Variants in ALPK2 observed in about 807,000 individuals in gnomAD.
The protein encoded by ALPK2 is alpha-protein kinase 2.
In ALPK2, 127 loss-of-function variants were observed where a neutral mutation model predicts 163.1. The observed-to-expected ratio is 0.78, with a 90% CI of 0.67 to 0.90. ALPK2 has a LOEUF of 0.90. ALPK2 is among the 40% of genes least tolerant of loss of function. The pLI, the probability that ALPK2 is intolerant of heterozygous loss-of-function variation, is 0.00. For missense variants in ALPK2, 2,360 were observed against 2,589.6 expected (o/e 0.91, Z 1.92); for synonymous variants, 953 against 959.1 (o/e 0.99, Z 0.12).
chr18:58,624,317 A>C (rs1242274685), intron 1 of ALPK2, among the ~76,000 whole-genome samples: 3 of 152,204 alleles, frequency 2.0e-5, no homozygotes, highest in South Asian at 2.1e-4. Flanking sequence ...GGCCTGATAA[A>C]ACCAAAACAG....
chr18:58,601,741 G>C (rs2052071012), intron 3 of ALPK2, among the ~76,000 whole-genome samples: 1 of 152,186 alleles, frequency 6.6e-6, no homozygotes, highest in Non-Finnish European at 1.5e-5. Context: ...AAATGGACTT[G>C]AGTGGCATGA....
intron 1 of ALPK2, among the ~76,000 whole-genome samples, chr18:58,626,102 T>C (rs941022889): frequency 5.3e-5 from 8 of 152,220 alleles, no homozygotes; most frequent in African/African-American, 1.9e-4. Flanking sequence ...CTGGGTTCCT[T>C]GTGAACCTGT....
intron 4 of ALPK2, among the ~76,000 whole-genome samples, chr18:58,556,169 T>TCACACACACACACACACACACACA (rs33920285): frequency 1.3e-5 from 2 of 149,000 alleles, no homozygotes; most frequent in African/African-American, 5.1e-5. Context: ...GGACTAGATC[T>TCACACACACACACACACACACACA]CACACACACA....
chr18:58,573,356 ATGTGTG>A (rs201921906), intron 4 of ALPK2, among the ~76,000 whole-genome samples: 140 of 139,148 alleles, frequency 1.0e-3, no homozygotes, highest in Non-Finnish European at 1.5e-3. Context: ...GTATATATAT[ATGTGTG>A]TGTATATATA....
At chr18:58,540,161 C>A (rs77879756) in intron 4 of ALPK2, among the ~76,000 whole-genome samples, 32,780 of 152,056 alleles carry the variant, frequency 0.22, 3,893 homozygotes, top group Non-Finnish European at 0.26. Context: ...GATTAGCATG[C>A]GGTAGATGCT....
In ALPK2 at chr18:58,514,978, G is replaced by A. The variant is rs776123685; in HGVS notation, c.6029+15C>T. 7 of 1,604,456 alleles carry A rather than the reference G, an allele frequency of 4.4e-6. No homozygotes were observed. The Middle Eastern group carries it at 5.0e-4, about 114-fold the overall frequency. On this transcript the variant is annotated intron_variant, in intron 10 of 12. Transcript: ENST00000361673. ...GAGTCAGGAGTGTGACACAAGGCAG[G>A]GTAAACACACTTACTCAGGTACTTC...
In ALPK2 at chr18:58,535,187, T is replaced by G; in HGVS notation, c.5000A>C (p.Lys1667Thr). The change falls in exon 5 of 13, where the codon AAA becomes ACA. Residue 1667 changes from lysine to threonine, a missense_variant. Transcript: ENST00000361673. ...SGERELEKAP[K>T]LLQDPCQKGT... ...CTTTTGACATGGATCCTGCAGTAATTTAGGGGCTTTCTCTAACTCACGTTC... is the reference window on the plus strand; with the variant it reads ...CTTTTGACATGGATCCTGCAGTAATGTAGGGGCTTTCTCTAACTCACGTTC... 1.2e-6 allele frequency: 2 copies of G among 1,614,064 alleles called. No individual in the cohort carries two copies. Among genetic ancestry groups the G allele is most frequent in the Non-Finnish European group, 1.7e-6 (2 of 1,179,996 alleles).
intron 1 of ALPK2, among the ~76,000 whole-genome samples, chr18:58,613,317 G>A (rs1331906990): frequency 6.6e-6 from 1 of 152,130 alleles, no homozygotes; most frequent in Non-Finnish European, 1.5e-5. Flanking sequence ...TAATTTGCAG[G>A]GCCCGGTTCA....
chr18:58,611,573 A>G, intron 2 of ALPK2, 116 bp downstream of exon 2: 1 of 938,456 alleles, frequency 1.1e-6, no homozygotes. Flanking sequence ...TTACACAGAA[A>G]AAAAAACTTC....
At chr18:58,530,527 G>T (rs1044340400) in intron 5 of ALPK2, among the ~76,000 whole-genome samples, 1 of 152,210 alleles carries the variant, frequency 6.6e-6, no homozygotes, top group African/African-American at 2.4e-5. Flanking sequence ...TTCCTAGAGG[G>T]TCTTTCCAAC....
Position 58,590,588 on chromosome 18 carries a change from T to C in ALPK2, c.228-10040A>G, listed in dbSNP as rs896320807. Among the ~76,000 whole-genome samples the C allele has an allele frequency of 1.6e-4, 24 of 152,346 alleles. No homozygotes were observed. The South Asian group carries it at 1.9e-3, about 12-fold the overall frequency. ...CTTAAGCCAAGTGTCTGTATTTTAT[T>C]AGCTGCCTAACAACTGCTATCAATA... On this transcript the variant is annotated intron_variant, in intron 3 of 12. Coordinates refer to ENST00000361673, the MANE Select transcript of ALPK2 (RefSeq NM_052947.4).
At chr18:58,571,058 G>A (rs951496975) in intron 4 of ALPK2, among the ~76,000 whole-genome samples, 1 of 151,788 alleles carries the variant, frequency 6.6e-6, no homozygotes, top group South Asian at 2.1e-4. Context: ...ACAGAGTCTC[G>A]CTCTGTGGCC....
intron 4 of ALPK2, among the ~76,000 whole-genome samples, chr18:58,565,326 A>C (rs894186565): frequency 8.4e-6 from 1 of 119,126 alleles, no homozygotes; most frequent in Non-Finnish European, 2.0e-5. Flanking sequence ...AGAGATTTTA[A>C]GAGATTTTTA....
At chr18:58,530,385 C>T (rs576462796) in intron 5 of ALPK2, among the ~76,000 whole-genome samples, 19 of 152,312 alleles carry the variant, frequency 1.2e-4, no homozygotes, top group African/African-American at 4.3e-4. Flanking sequence ...GTAACAAGTA[C>T]GTATTGATGG....
chr18:58,594,351 TAAAAG>T (rs1026371156), intron 3 of ALPK2, among the ~76,000 whole-genome samples: 4 of 152,132 alleles, frequency 2.6e-5, no homozygotes, highest in African/African-American at 9.7e-5. Flanking sequence ...CCCTTCTTAT[TAAAAG>T]AAAACTCAAA....
In ALPK2 at chr18:58,538,064, G is replaced by A. The variant is rs202092632; in HGVS notation, c.2123C>T (p.Ser708Leu). The A allele has an allele frequency of 4.3e-5, 70 of 1,614,074 alleles. No homozygotes were observed. In the Middle Eastern group the frequency reaches 4.9e-4, roughly 11 times the overall value. The part of the protein sequence containing the change: ...HKENASLAQH[S>L]EVKPCTCGPQ... ...ACCACAGGTACAGGGTTTGACCTCCGAGTGTTGAGCTAATGATGCATTTTC... is the reference window on the plus strand; with the variant it reads ...ACCACAGGTACAGGGTTTGACCTCCAAGTGTTGAGCTAATGATGCATTTTC... Residue 708 changes from serine to leucine, a missense_variant, in exon 5 of 13, where the codon TCG becomes TTG. Coordinates refer to ENST00000361673, the MANE Select transcript of ALPK2 (RefSeq NM_052947.4).
intron 12 of ALPK2, among the ~76,000 whole-genome samples, chr18:58,493,316 A>T (rs1284970427): frequency 2.0e-5 from 3 of 152,008 alleles, no homozygotes; most frequent in Non-Finnish European, 2.9e-5. Context: ...CTCCTGGCAG[A>T]CTCATGCATT....
At chr18:58,518,311 C>A (rs763660870) in intron 8 of ALPK2, among the ~76,000 whole-genome samples, 1 of 152,054 alleles carries the variant, frequency 6.6e-6, no homozygotes, top group Non-Finnish European at 1.5e-5. Context: ...CTATTCTGAT[C>A]GGGTATTGAT....
intron 12 of ALPK2, among the ~76,000 whole-genome samples, chr18:58,483,206 T>C (rs562780052): frequency 6.6e-6 from 1 of 152,186 alleles, no homozygotes; most frequent in Non-Finnish European, 1.5e-5. Flanking sequence ...ATAAACACTT[T>C]GAAGTAGCAC....
Sources: allele counts gnomAD v4.1 joint callset (sites outside exome capture counted in the v4.1 genomes callset), GRCh38; gene constraint gnomAD v4.1.1; transcripts MANE v1.5; gene names NCBI Gene and HGNC (gene_info 2026-07-23, HGNC 2026-07-21).